CHRM2: variants seen among roughly 807,000 people sequenced by gnomAD.
The protein encoded by CHRM2 is muscarinic acetylcholine receptor M2.
In CHRM2, 8 loss-of-function variants were observed where a neutral mutation model predicts 25.0. The observed-to-expected ratio is 0.32, with a 90% CI of 0.19 to 0.58. The LOEUF is 0.58. CHRM2 is among the 20% of genes least tolerant of loss of function. The pLI is 0.88. For missense variants in CHRM2, 440 were observed against 567.1 expected (o/e 0.78, Z 2.28); for synonymous variants, 202 against 205.7 (o/e 0.98, Z 0.15).
chr7:137,015,283 G>T lies in CHRM2; in HGVS notation c.418G>T (p.Ala140Ser). 6.2e-7 allele frequency: 1 copy of T among 1,613,306 alleles called. No individual in the cohort carries two copies. Among genetic ancestry groups the T allele is most frequent in the Non-Finnish European group, 8.5e-7 (1 of 1,179,626 alleles). ...CCCAGTCAAGCGGACCACAAAAATG[G>T]CAGGTATGATGATTGCAGCTGCCTG... The part of the protein sequence containing the change: ...TYPVKRTTKM[A>S]GMMIAAAWVL... The change falls in exon 4 of 4, where the codon GCA becomes TCA. Residue 140 changes from alanine to serine, a missense_variant. Physicochemically the swap from Ala to Ser is moderately conservative, Grantham distance 99. Around this residue, in one of 5 missense-constraint regions of CHRM2, gnomAD observed 27 missense variants for 55.5 expected, o/e 0.49. Coordinates refer to ENST00000680005, the MANE Select transcript of CHRM2 (RefSeq NM_001006630.2). The surrounding 1 kb of genome is among the most constrained non-coding windows in gnomAD (Gnocchi z 5.1).
At chr7:137,007,302 G>T (rs1010286377) in intron 3 of CHRM2, among the ~76,000 whole-genome samples, 10 of 152,130 alleles carry the variant, frequency 6.6e-5, no homozygotes, top group African/African-American at 2.4e-4. Context: ...TTGTTGACAA[G>T]AATGTGTTCT....
intron 2 of CHRM2, among the ~76,000 whole-genome samples, chr7:136,911,172 A>G (rs1386854951): frequency 2.0e-5 from 3 of 151,956 alleles, no homozygotes; most frequent in Non-Finnish European, 4.4e-5. Flanking sequence ...TGGATAAAAA[A>G]TAATGTTTTA....
chr7:136,956,755 T>C lies in CHRM2; in HGVS notation c.-124-35432T>C, dbSNP rs150052637. ...GCTGTATAGTCAGTTGCCAAGAAGA[T>C]ATTTTAGTGTCAACTAAAGCAACAA... On this transcript the variant is annotated intron_variant, in intron 2 of 3. Transcript: ENST00000680005. Among the ~76,000 whole-genome samples, 121 of 152,218 alleles carry C rather than the reference T, an allele frequency of 7.9e-4. 1 individual carries two copies. The East Asian group carries it at 0.016, about 20-fold the overall frequency.
intron 2 of CHRM2, among the ~76,000 whole-genome samples, chr7:136,890,840 T>C (rs964326814): frequency 2.0e-5 from 3 of 152,162 alleles, no homozygotes; most frequent in Non-Finnish European, 4.4e-5. Flanking sequence ...TATGTGTGTG[T>C]ATGTGTGGAT....
At position 136,983,910 on chromosome 7, in the gene CHRM2, G is replaced by A. The variant is rs187671929; in HGVS notation, c.-124-8277G>A. 1.4e-3 allele frequency among the ~76,000 whole-genome samples: 219 copies of A among 152,290 alleles called. 1 individual carries two copies. The highest frequency in any genetic ancestry group is 2.3e-3 in the Non-Finnish European group (154 of 68,026). On this transcript the variant is annotated intron_variant, in intron 2 of 3. Coordinates refer to ENST00000680005, the MANE Select transcript of CHRM2 (RefSeq NM_001006630.2). ...GATGTCTCCCCATCAGGAGGCCCAG[G>A]GGTCAGGGACTTGACCCTTGAGGAG... is the stretch of plus-strand genomic sequence containing the variant.
At chr7:136,894,293 A>G (rs1017029673) in intron 2 of CHRM2, among the ~76,000 whole-genome samples, 1 of 152,192 alleles carries the variant, frequency 6.6e-6, no homozygotes, top group Non-Finnish European at 1.5e-5. Context: ...CAAATTCTAC[A>G]TAGAAAATAT....
At chr7:136,898,630 G>A (rs1451680095) in intron 2 of CHRM2, 1 of 151,936 alleles carries the variant, frequency 6.6e-6, no homozygotes, top group African/African-American at 2.4e-5. Flanking sequence ...TACAAGGTTA[G>A]AGAAAGAAGT....
chr7:136,902,977 C>A, intron 2 of CHRM2: 1 of 382,868 alleles, frequency 2.6e-6, no homozygotes, highest in Admixed American at 3.8e-5. Context: ...AGCTTCTCAG[C>A]CTGGGATTAA....
intron 2 of CHRM2, among the ~76,000 whole-genome samples, chr7:136,989,669 C>A (rs1479630034): frequency 1.3e-5 from 2 of 152,094 alleles, no homozygotes; most frequent in Non-Finnish European, 2.9e-5. Flanking sequence ...CTTCTCCATC[C>A]CTTTCATTTA....
chr7:136,882,309 C>T (rs568462645), intron 2 of CHRM2, among the ~76,000 whole-genome samples: 20 of 152,096 alleles, frequency 1.3e-4, no homozygotes, highest in African/African-American at 3.6e-4. Flanking sequence ...TGATATTCTC[C>T]GGTTTCATTA....
chr7:136,909,024 C>T (rs973420314), intron 2 of CHRM2, among the ~76,000 whole-genome samples: 30 of 151,828 alleles, frequency 2.0e-4, no homozygotes, highest in Non-Finnish European at 1.2e-4. Flanking sequence ...AATGAGTTGA[C>T]GAGTCTTTGC....
chr7:136,964,304 T>C (rs997477488), intron 2 of CHRM2, among the ~76,000 whole-genome samples: 1 of 152,184 alleles, frequency 6.6e-6, no homozygotes, highest in African/African-American at 2.4e-5. Flanking sequence ...ATTTAGGGGA[T>C]CACTATTTCA....
intron 3 of CHRM2, among the ~76,000 whole-genome samples, chr7:137,012,885 C>T (rs76597195): frequency 0.02 from 3,054 of 151,910 alleles, 94 homozygotes; most frequent in African/African-American, 0.071. Context: ...CATTATCCTT[C>T]GTGGTGATTA....
chr7:136,930,159 A>G (rs62485246), intron 2 of CHRM2, among the ~76,000 whole-genome samples: 36,261 of 152,024 alleles, frequency 0.24, 5,680 homozygotes, highest in Non-Finnish European at 0.35. Flanking sequence ...GAGGCCGGGC[A>G]TGGTGGCTCA....
At chr7:136,903,261 C>T (rs1396156223) in intron 2 of CHRM2, 1 of 533,828 alleles carries the variant, frequency 1.9e-6, no homozygotes, top group Admixed American at 1.9e-5. Flanking sequence ...GGACTCCATG[C>T]TGTTGAGCTG....
chr7:136,873,261 C>A (rs1584678246), intron 2 of CHRM2, among the ~76,000 whole-genome samples: 1 of 152,304 alleles, frequency 6.6e-6, no homozygotes, highest in South Asian at 2.1e-4. Flanking sequence ...ATACTGATTG[C>A]ATATCCCACA....
At chr7:136,958,781 T>C (rs2130883303) in intron 2 of CHRM2, among the ~76,000 whole-genome samples, 1 of 152,238 alleles carries the variant, frequency 6.6e-6, no homozygotes, top group African/African-American at 2.4e-5. Flanking sequence ...AGAGTAAGAA[T>C]GGGTAAGGAA....
intron 2 of CHRM2, among the ~76,000 whole-genome samples, chr7:136,967,238 G>T (rs1288625247): frequency 6.6e-6 from 1 of 152,002 alleles, no homozygotes; most frequent in Admixed American, 6.6e-5. Flanking sequence ...ATTTTATCCA[G>T]AGAAGATTAA....
chr7:136,879,603 C>T (rs969163726), intron 2 of CHRM2, among the ~76,000 whole-genome samples: 1 of 151,928 alleles, frequency 6.6e-6, no homozygotes, highest in Non-Finnish European at 1.5e-5. Context: ...CATACTGACA[C>T]TTTTAATCAA....
Sources: gnomAD v4.1 joint callset for allele counts (sites outside exome capture counted in the v4.1 genomes callset) on GRCh38, gnomAD v4.1.1 for gene constraint, gnomAD v4.1.1 regional missense constraint, Gnocchi (gnomAD v3.1) non-coding constraint, MANE v1.5 for transcripts, NCBI Gene and HGNC (gene_info 2026-07-23, HGNC 2026-07-21) for gene names.